TENM2: variants seen among roughly 807,000 people sequenced by gnomAD.
TENM2 encodes teneurin transmembrane protein 2.
TENM2 carries 52 observed loss-of-function variants against 245.2 expected under a neutral mutation model. The ratio of observed to expected loss-of-function variants is 0.21; its 90% confidence interval spans 0.17 to 0.27. TENM2 has a LOEUF of 0.27. TENM2 is among the 10% of genes least tolerant of loss of function. The pLI is 1.00. For synonymous variants in TENM2, 1,363 were observed against 1,438.9 expected (o/e 0.95, Z 1.19); for missense variants, 3,046 against 3,666.8 (o/e 0.83, Z 4.37).
chr5:167,389,827 C>T (rs962346266), intron 2 of TENM2, among the ~76,000 whole-genome samples: 2 of 152,162 alleles, frequency 1.3e-5, no homozygotes, highest in African/African-American at 4.8e-5. Flanking sequence ...AATATTTTAC[C>T]AAATTACGGA....
intron 1 of TENM2, among the ~76,000 whole-genome samples, chr5:167,339,746 C>T (rs1757987457): frequency 6.6e-6 from 1 of 151,932 alleles, no homozygotes; most frequent in Admixed American, 6.6e-5. Context: ...AGGTGCTTAC[C>T]CTCATGAATG....
chr5:167,897,074 C>T (rs1483500626), intron 3 of TENM2, among the ~76,000 whole-genome samples: 4 of 152,176 alleles, frequency 2.6e-5, no homozygotes, highest in African/African-American at 4.8e-5. Context: ...CATTCTATCA[C>T]GCATCAAAGA....
intron 7 of TENM2, among the ~76,000 whole-genome samples, chr5:168,069,705 C>T (rs1180165104): frequency 6.6e-6 from 1 of 152,182 alleles, no homozygotes; most frequent in Admixed American, 6.5e-5. Flanking sequence ...CATCTAGCAG[C>T]CAGACACCTT....
intron 2 of TENM2, among the ~76,000 whole-genome samples, chr5:167,479,698 G>T (rs149826107): frequency 6.6e-6 from 1 of 152,030 alleles, no homozygotes; most frequent in African/African-American, 2.4e-5. Context: ...TTGGCATCAC[G>T]TTTTTTACTC....
chr5:168,018,008 C>T (rs776051707), intron 5 of TENM2, among the ~76,000 whole-genome samples: 6 of 152,194 alleles, frequency 3.9e-5, no homozygotes, highest in Non-Finnish European at 8.8e-5. Context: ...CTCTGCACTT[C>T]CACTGTTGGG....
the TENM2 span, among the ~76,000 whole-genome samples, chr5:167,195,692 T>C: frequency 3.3e-5 from 5 of 152,034 alleles, no homozygotes; most frequent in African/African-American, 1.2e-4. Context: ...TTACTAATGC[T>C]ATCATTATTA....
chr5:167,288,292 G>A (rs1046503361), intron 1 of TENM2, among the ~76,000 whole-genome samples: 1 of 152,076 alleles, frequency 6.6e-6, no homozygotes, highest in African/African-American at 2.4e-5. Context: ...GGGCGCGGTG[G>A]CTCACACCTG....
chr5:167,873,121 A>C (rs1773122683), intron 2 of TENM2, among the ~76,000 whole-genome samples: 1 of 152,268 alleles, frequency 6.6e-6, no homozygotes, highest in Admixed American at 6.5e-5. Context: ...TGCCTTGGTC[A>C]GGATTCCTCT....
intron 2 of TENM2, among the ~76,000 whole-genome samples, chr5:167,655,037 A>G (rs1431329707): frequency 6.6e-6 from 1 of 152,218 alleles, no homozygotes; most frequent in African/African-American, 2.4e-5. Flanking sequence ...TGTCTTCATT[A>G]TATAAGCAAT....
At chr5:168,026,006 TATTA>T (rs1786591524) in intron 5 of TENM2, among the ~76,000 whole-genome samples, 1 of 152,212 alleles carries the variant, frequency 6.6e-6, no homozygotes, top group Non-Finnish European at 1.5e-5. Flanking sequence ...ACACAACTTC[TATTA>T]ATAATAAGTT....
chr5:168,125,693 G>C (rs901411218), intron 11 of TENM2, among the ~76,000 whole-genome samples: 2 of 151,688 alleles, frequency 1.3e-5, no homozygotes, highest in African/African-American at 4.8e-5. Context: ...ATCAGGAAGG[G>C]AATAGACGTG....
intron 5 of TENM2, among the ~76,000 whole-genome samples, chr5:168,037,111 T>A (rs911917287): frequency 3.3e-5 from 5 of 152,166 alleles, no homozygotes; most frequent in African/African-American, 9.7e-5. Flanking sequence ...CTATGTGAAA[T>A]CCACTTAACT....
intron 2 of TENM2, among the ~76,000 whole-genome samples, chr5:167,859,402 G>T: frequency 6.8e-6 from 1 of 147,666 alleles, no homozygotes; most frequent in South Asian, 2.1e-4. Context: ...CCCCCGCCCG[G>T]CCAGCCGCCC....
chr5:167,867,673 C>T (rs1177836370), intron 2 of TENM2, among the ~76,000 whole-genome samples: 1 of 152,154 alleles, frequency 6.6e-6, no homozygotes, highest in Non-Finnish European at 1.5e-5. Context: ...AGAACAAACC[C>T]AGTCAGGCTG....
the TENM2 span, among the ~76,000 whole-genome samples, chr5:167,220,410 G>A: frequency 3.6e-3 from 555 of 152,220 alleles, 4 homozygotes; most frequent in African/African-American, 0.013. Flanking sequence ...TACAGTAGAC[G>A]ATGTAAAATT....
intron 2 of TENM2, among the ~76,000 whole-genome samples, chr5:167,718,740 G>T (rs1334257707): frequency 6.6e-6 from 1 of 151,980 alleles, no homozygotes; most frequent in Non-Finnish European, 1.5e-5. Context: ...CTTCAGTTAA[G>T]AAAGTCCAGT....
At chr5:167,033,953 C>T in the TENM2 span, among the ~76,000 whole-genome samples, 1 of 152,170 alleles carries the variant, frequency 6.6e-6, no homozygotes, top group Non-Finnish European at 1.5e-5. Flanking sequence ...ATTCTTATAT[C>T]ATGTTGTAGA....
At chr5:167,888,367 G>C (rs183815488) in intron 3 of TENM2, among the ~76,000 whole-genome samples, 21 of 152,254 alleles carry the variant, frequency 1.4e-4, no homozygotes, top group Admixed American at 1.2e-3. Context: ...CACTGAGCCT[G>C]GCACATAGCA....
chr5:168,230,237 G>GTGTT (rs534194167), intron 25 of TENM2, among the ~76,000 whole-genome samples: 92 of 152,268 alleles, frequency 6.0e-4, no homozygotes, highest in African/African-American at 1.9e-3. Flanking sequence ...TAATTGTCTG[G>GTGTT]TGTTAGTTCC....
Sources: allele counts gnomAD v4.1 joint callset (sites outside exome capture counted in the v4.1 genomes callset), GRCh38; gene constraint gnomAD v4.1.1; transcripts MANE v1.5; gene names NCBI Gene and HGNC (gene_info 2026-07-23, HGNC 2026-07-21).